The following TM4SF4 variants were observed in gnomAD, a reference collection of about 807,000 sequenced individuals.
TM4SF4 encodes transmembrane 4 L six family member 4.
TM4SF4 carries 24 observed loss-of-function variants against 24.1 expected under a neutral mutation model. The ratio of observed to expected loss-of-function variants is 1.00; its 90% CI spans 0.72 to 1.40. The LOEUF (loss-of-function observed/expected upper bound fraction) is 1.40, where lower values mean the gene tolerates loss of function less well. TM4SF4 is among the 40% of genes most tolerant of loss of function. The pLI is 0.00. For synonymous variants in TM4SF4, 113 were observed against 97.0 expected (o/e 1.17, Z -0.97); for missense variants, 254 against 254.2 (o/e 1.00, Z 0.01).
Position 149,498,680 on chromosome 3 carries a change from A to G in TM4SF4, c.402-42A>G, listed in dbSNP as rs776107992. ...AACTTTCTAGTGGAGGGAATTGCAC[A>G]CTTTTTACAAATGTTTCCTTTGTCC... is the stretch of plus-strand genomic sequence containing the variant. On this transcript the variant is annotated intron_variant, in intron 3 of 4. Coordinates refer to ENST00000305354, the MANE Select transcript of TM4SF4 (RefSeq NM_004617.4). The G allele has an allele frequency of 4.4e-6, 7 of 1,589,256 alleles. No individual in the cohort carries two copies. The African/African-American group carries it at 8.1e-5, about 18-fold the overall frequency.
intron 2 of TM4SF4, among the ~76,000 whole-genome samples, chr3:149,484,035 CCT>C (rs1449225846): frequency 1.3e-5 from 2 of 152,186 alleles, no homozygotes; most frequent in Non-Finnish European, 2.9e-5. Context: ...CCCACCTCAG[CCT>C]CCCACAGTGC....
intron 3 of TM4SF4, among the ~76,000 whole-genome samples, chr3:149,496,521 A>G (rs760002184): frequency 1.3e-5 from 2 of 152,154 alleles, no homozygotes; most frequent in Admixed American, 6.6e-5. Context: ...GTGGCTCACA[A>G]CTGTAATCCC....
intron 3 of TM4SF4, among the ~76,000 whole-genome samples, chr3:149,489,618 C>G (rs1734177424): frequency 1.3e-5 from 2 of 152,160 alleles, no homozygotes; most frequent in African/African-American, 4.8e-5. Context: ...TGTGGGTCAC[C>G]ACACGAAATG....
intron 3 of TM4SF4, chr3:149,494,989 T>C: frequency 4.8e-6 from 1 of 209,324 alleles, no homozygotes; most frequent in Non-Finnish European, 1.0e-5. Context: ...CTATCCTGAT[T>C]GTTGCTGTTG....
intron 3 of TM4SF4, among the ~76,000 whole-genome samples, chr3:149,492,238 G>A (rs1032526967): frequency 6.6e-6 from 1 of 152,098 alleles, no homozygotes; most frequent in Non-Finnish European, 1.5e-5. Flanking sequence ...TAATCAAGGT[G>A]GACTCTGAGA....
In TM4SF4 at chr3:149,482,392, C is replaced by T. The variant is rs543212582; in HGVS notation, c.265-5227C>T. Reference sequence around the variant, plus strand: ...CAAAGGAAGACTCCCTTATCTGATTCCAAAGTCTGCCAACTTCCCTCCTCA... The same window carrying T: ...CAAAGGAAGACTCCCTTATCTGATTTCAAAGTCTGCCAACTTCCCTCCTCA... On this transcript the variant is annotated intron_variant, in intron 2 of 4. Coordinates refer to ENST00000305354, the MANE Select transcript of TM4SF4 (RefSeq NM_004617.4). Among the ~76,000 whole-genome samples, 14 of 152,316 alleles carry T rather than the reference C, an allele frequency of 9.2e-5. No homozygotes were observed. The South Asian group carries it at 2.1e-3, about 23-fold the overall frequency.
In TM4SF4 at chr3:149,475,899, G is replaced by A; in HGVS notation, c.251G>A (p.Gly84Glu). ...GGGTGCTGCGGCAACGAGGGCTGTG[G>A]GAAGCGATTTGCGGTGAGTTACCAT... ...CCGCCGNEGCGKRFAMFTSTI... is the reference protein window; with the variant it reads ...CCGCCGNEGCEKRFAMFTSTI... Residue 84 changes from glycine (G) to glutamate (E), a missense_variant, in exon 2 of 5, where the codon GGG (glycine) becomes GAG (glutamate). Gly to Glu is a moderately conservative substitution (Grantham distance 98). Transcript: ENST00000305354. 1 of 1,612,238 alleles carries A rather than the reference G, an allele frequency of 6.2e-7. No homozygotes were observed. The highest frequency in any genetic ancestry group is 8.5e-7 in the Non-Finnish European group (1 of 1,179,210).
In TM4SF4 at chr3:149,487,716, T is replaced by C. The variant is rs759962273; in HGVS notation, c.362T>C (p.Leu121Pro). 2.5e-6 allele frequency: 4 copies of C among 1,614,024 alleles called. No homozygotes were observed. Among genetic ancestry groups the C allele is most frequent in the Middle Eastern group, 1.6e-4 (1 of 6,062 alleles). ...TCAATCAACAAGGGTCCTAAATGCC[T>C]CATGGCCAATAGTACATGGGGCTAC... ...AISINKGPKC[L>P]MANSTWGYPF... Residue 121 changes from leucine to proline, a missense_variant, in exon 3 of 5, where the codon CTC becomes CCC. Physicochemically the swap from Leu to Pro is moderately conservative, Grantham distance 98 (BLOSUM62 -3). Coordinates refer to ENST00000305354, the MANE Select transcript of TM4SF4 (RefSeq NM_004617.4).
At chr3:149,491,295 C>CACAAAAAAAAAAAA (rs1734205065) in intron 3 of TM4SF4, among the ~76,000 whole-genome samples, 1 of 125,672 alleles carries the variant, frequency 8.0e-6, no homozygotes, top group African/African-American at 2.7e-5. Context: ...CGCCCCTCTA[C>CACAAAAAAAAAAAA]AAAAAAAAAA....
chr3:149,485,703 A>G (rs771162714), intron 2 of TM4SF4, among the ~76,000 whole-genome samples: 25 of 152,196 alleles, frequency 1.6e-4, no homozygotes, highest in African/African-American at 4.6e-4. Context: ...CTGAGGTGGG[A>G]GGATCACTTG....
chr3:149,481,656 G>T (rs903848352), intron 2 of TM4SF4, among the ~76,000 whole-genome samples: 10 of 152,174 alleles, frequency 6.6e-5, no homozygotes, highest in African/African-American at 2.2e-4. Context: ...CATGACCCCA[G>T]GACACACCAT....
At chr3:149,484,931 C>T (rs80077581) in intron 2 of TM4SF4, among the ~76,000 whole-genome samples, 1 of 152,132 alleles carries the variant, frequency 6.6e-6, no homozygotes, top group Non-Finnish European at 1.5e-5. Context: ...ATGGGTTCAA[C>T]CTTTTTATAA....
intron 3 of TM4SF4, among the ~76,000 whole-genome samples, chr3:149,493,496 T>G (rs1182905594): frequency 6.6e-6 from 1 of 152,208 alleles, no homozygotes; most frequent in African/African-American, 2.4e-5. Context: ...GTTCATTCAT[T>G]CAGTGAGTGT....
chr3:149,479,014 G>T (rs1315488155), intron 2 of TM4SF4, among the ~76,000 whole-genome samples: 2 of 152,154 alleles, frequency 1.3e-5, no homozygotes, highest in Non-Finnish European at 2.9e-5. Context: ...TGATCTGCCT[G>T]CCTTAACCTC....
rs1281405870 is a variant in TM4SF4, at chr3:149,487,560, G to A, written c.265-59G>A. The A allele has an allele frequency of 4.4e-6, 7 of 1,603,992 alleles. No individual in the cohort carries two copies. In the East Asian group the frequency reaches 1.6e-4, roughly 36 times the overall value. On this transcript the variant is annotated intron_variant, in intron 2 of 4. Transcript: ENST00000305354. ...GTTCAACAGCAGGTGGATTAGGTTT[G>A]TTGAGTGTATCCTCTGGACCACCTG...
chr3:149,494,528 T>C (rs151099774), intron 3 of TM4SF4: 29 of 152,024 alleles, frequency 1.9e-4, no homozygotes, highest in African/African-American at 7.0e-4. Context: ...ATTGTAAAGA[T>C]AGAAAGGACT....
intron 2 of TM4SF4, among the ~76,000 whole-genome samples, chr3:149,476,818 T>TTG (rs1553781690): frequency 7.5e-5 from 9 of 119,366 alleles, no homozygotes; most frequent in Admixed American, 1.8e-4. Context: ...GTTTTTGTTT[T>TTG]TTTTTTTTTT....
At chr3:149,494,270 G>C (rs1353092548) in intron 3 of TM4SF4, among the ~76,000 whole-genome samples, 1 of 152,152 alleles carries the variant, frequency 6.6e-6, no homozygotes. Flanking sequence ...TGTGAGGGGT[G>C]AGGCTGCAGC....
In TM4SF4 at chr3:149,476,799, TTTGTTTTTGTTTTTG is replaced by T. The variant is rs1426336616; in HGVS notation, c.264+890_264+904del. Among the ~76,000 whole-genome samples, 39 of 57,694 alleles carry T rather than the reference TTTGTTTTTGTTTTTG, an allele frequency of 6.8e-4. 1 individual carries two copies. The highest frequency in any genetic ancestry group is 1.3e-3 in the Non-Finnish European group (23 of 18,354). The allele number at this position is 57,694 out of a possible 152,430, so 37.8% of individuals were successfully genotyped here. On this transcript the variant is annotated intron_variant, in intron 2 of 4. Coordinates refer to ENST00000305354, the MANE Select transcript of TM4SF4 (RefSeq NM_004617.4). ...CTTTCTTTTTTCTTTTCTGTTTTTT[TTTGTTTTTGTTTTTG>T]TTTTTTTTTTTTTTTTTGAGACAGG... is the stretch of plus-strand genomic sequence containing the variant.
Sources: allele counts gnomAD v4.1 joint callset (sites outside exome capture counted in the v4.1 genomes callset), GRCh38; gene constraint gnomAD v4.1.1; transcripts MANE v1.5; gene names NCBI Gene and HGNC (gene_info 2026-07-23, HGNC 2026-07-21).